Variants in RASSF8 observed in about 807,000 individuals in gnomAD.
RASSF8 encodes the protein Ras association domain family member 8.
In RASSF8, 22 loss-of-function variants were observed where a neutral mutation model predicts 48.5. The ratio of observed to expected loss-of-function variants is 0.45; its 90% CI spans 0.32 to 0.65. RASSF8 has a LOEUF of 0.65. Among genes scored for constraint, RASSF8 ranks in the 30% least tolerant of loss-of-function variants. The pLI, the probability that RASSF8 is intolerant of heterozygous loss-of-function variation, is 0.03. For missense variants in RASSF8, 418 were observed against 489.2 expected (o/e 0.85, Z 1.37); for synonymous variants, 127 against 171.5 (o/e 0.74, Z 2.03).
At position 26,065,414 on chromosome 12, in the gene RASSF8, T is replaced by C. The variant is rs575912632; in HGVS notation, c.993+27T>C. Reference sequence around the variant, plus strand: ...TAGGGACACTTTGATAAATAGAATGTTTGGCCCATGTAAAATAGTATCTTC... The same window carrying C: ...TAGGGACACTTTGATAAATAGAATGCTTGGCCCATGTAAAATAGTATCTTC... On this transcript the variant is annotated intron_variant, in intron 4 of 5. Transcript: ENST00000689635. The C allele has an allele frequency of 2.6e-6, 4 of 1,556,040 alleles. No individual in the cohort carries two copies. In the East Asian group the frequency reaches 9.0e-5, roughly 35 times the overall value.
At chr12:26,037,413 G>T (rs1943176884) in intron 2 of RASSF8, among the ~76,000 whole-genome samples, 2 of 151,998 alleles carry the variant, frequency 1.3e-5, no homozygotes, top group Admixed American at 6.6e-5. Flanking sequence ...TTCTTACAAG[G>T]TATTTCATAT....
chr12:26,006,532 G>T (rs1184965909), intron 2 of RASSF8, among the ~76,000 whole-genome samples: 1 of 152,114 alleles, frequency 6.6e-6, no homozygotes, highest in Non-Finnish European at 1.5e-5. Flanking sequence ...TGCTTGTCTC[G>T]CTCTAGACGT....
chr12:26,034,486 G>T (rs184341561), intron 2 of RASSF8, among the ~76,000 whole-genome samples: 1 of 151,692 alleles, frequency 6.6e-6, no homozygotes, highest in African/African-American at 2.4e-5. Flanking sequence ...CATCTGGGCC[G>T]CATGCAGCCC....
chr12:26,007,242 G>A (rs923964148), intron 2 of RASSF8, among the ~76,000 whole-genome samples: 3 of 152,062 alleles, frequency 2.0e-5, no homozygotes, highest in South Asian at 2.1e-4. Flanking sequence ...TAGGCCCCAC[G>A]TCCCCACTGC....
intron 2 of RASSF8, among the ~76,000 whole-genome samples, chr12:26,039,615 C>A (rs180805805): frequency 1.8e-3 from 270 of 152,204 alleles, no homozygotes; most frequent in African/African-American, 6.4e-3. Context: ...TGTAATTAAC[C>A]TGTTGCCTAT....
intron 2 of RASSF8, among the ~76,000 whole-genome samples, chr12:26,029,126 C>T (rs1024339602): frequency 6.6e-6 from 1 of 152,178 alleles, no homozygotes; most frequent in Admixed American, 6.5e-5. Flanking sequence ...CTCTCTTCTA[C>T]CAGGGAACTG....
intron 2 of RASSF8, among the ~76,000 whole-genome samples, chr12:26,002,291 G>T (rs775056580): frequency 6.6e-6 from 1 of 151,610 alleles, no homozygotes; most frequent in Non-Finnish European, 1.5e-5. Context: ...AAATTAGTCG[G>T]GCTTGGTAGC....
At chr12:25,994,457 G>A (rs1411931709) in intron 1 of RASSF8, among the ~76,000 whole-genome samples, 2 of 152,056 alleles carry the variant, frequency 1.3e-5, no homozygotes, top group African/African-American at 4.8e-5. Flanking sequence ...CTAATGTTGT[G>A]GCAAAGTTTC....
chr12:26,022,751 T>C (rs1942816703), intron 2 of RASSF8, among the ~76,000 whole-genome samples: 1 of 152,162 alleles, frequency 6.6e-6, no homozygotes, highest in South Asian at 2.1e-4. Context: ...TCTTTCTTTT[T>C]TTTTTGAGAC....
At chr12:26,061,890 G>A (rs926941349) in intron 3 of RASSF8, among the ~76,000 whole-genome samples, 22 of 152,100 alleles carry the variant, frequency 1.4e-4, no homozygotes, top group African/African-American at 5.1e-4. Context: ...GGTACTAAAT[G>A]TGCATTATTT....
intron 1 of RASSF8, among the ~76,000 whole-genome samples, chr12:25,976,415 T>C (rs530610441): frequency 6.3e-4 from 94 of 149,216 alleles, no homozygotes; most frequent in African/African-American, 2.1e-3. Flanking sequence ...CACAGAAGTA[T>C]AACTTTGTAA....
At chr12:26,020,354 A>G (rs1242337468) in intron 2 of RASSF8, 1 of 152,248 alleles carries the variant, frequency 6.6e-6, no homozygotes, top group African/African-American at 2.4e-5. Flanking sequence ...TCTGACCCCC[A>G]GAACTATGAG....
At chr12:25,984,984 A>G (rs547900250) in intron 1 of RASSF8, among the ~76,000 whole-genome samples, 2 of 152,200 alleles carry the variant, frequency 1.3e-5, no homozygotes, top group Non-Finnish European at 2.9e-5. Context: ...AAATGTGTCC[A>G]GAGGAAAGCA....
chr12:26,054,960 A>G (rs1019544587), intron 2 of RASSF8, among the ~76,000 whole-genome samples: 1 of 152,202 alleles, frequency 6.6e-6, no homozygotes. Context: ...AAAACAGCGC[A>G]TATATTGAAT....
intron 2 of RASSF8, among the ~76,000 whole-genome samples, chr12:26,014,255 A>G (rs1215949392): frequency 6.6e-6 from 1 of 152,250 alleles, no homozygotes; most frequent in Non-Finnish European, 1.5e-5. Flanking sequence ...CCCATGGCAG[A>G]CATAATTAGT....
chr12:25,984,679 AAGG>A (rs1431494149), intron 1 of RASSF8, among the ~76,000 whole-genome samples: 1 of 152,194 alleles, frequency 6.6e-6, no homozygotes, highest in Non-Finnish European at 1.5e-5. Flanking sequence ...ACACAAAATT[AAGG>A]AGAATTGTTG....
At chr12:25,998,196 T>A (rs945935938) in intron 2 of RASSF8, among the ~76,000 whole-genome samples, 2 of 152,222 alleles carry the variant, frequency 1.3e-5, no homozygotes, top group Non-Finnish European at 2.9e-5. Flanking sequence ...CATTTTGTAC[T>A]GCAGTCTTAA....
intron 2 of RASSF8, among the ~76,000 whole-genome samples, chr12:26,014,126 C>G (rs1169354150): frequency 1.6e-4 from 25 of 152,220 alleles, no homozygotes. Flanking sequence ...CAGCTGGTGC[C>G]TTGTGCCCGG....
At chr12:25,966,217 G>T (rs1941356470) in intron 1 of RASSF8, among the ~76,000 whole-genome samples, 1 of 152,024 alleles carries the variant, frequency 6.6e-6, no homozygotes, top group Admixed American at 6.6e-5. Flanking sequence ...GTCTTTTTTA[G>T]ACATTTGTGG....
Sources: allele counts gnomAD v4.1 joint callset (sites outside exome capture counted in the v4.1 genomes callset), GRCh38; gene constraint gnomAD v4.1.1; transcripts MANE v1.5; gene names NCBI Gene and HGNC (gene_info 2026-07-23, HGNC 2026-07-21).